Variants in PPM1E observed in about 807,000 individuals in gnomAD.
PPM1E encodes the protein protein phosphatase, Mg2+/Mn2+ dependent 1E.
In PPM1E, 20 loss-of-function variants were observed where a neutral mutation model predicts 65.9. The ratio of observed to expected loss-of-function variants is 0.30; its 90% CI spans 0.21 to 0.44. The LOEUF (loss-of-function observed/expected upper bound fraction) is 0.44. Among genes scored for constraint, PPM1E ranks in the 20% least tolerant of loss-of-function variants. The pLI, the probability that PPM1E is intolerant of heterozygous loss-of-function variation, is 1.00. For missense variants in PPM1E, 713 were observed against 953.1 expected (o/e 0.75, Z 3.32); for synonymous variants, 352 against 374.9 (o/e 0.94, Z 0.70).
chr17:58,965,256 T>C (rs1221903547), intron 2 of PPM1E, among the ~76,000 whole-genome samples: 2 of 152,122 alleles, frequency 1.3e-5, no homozygotes, highest in Admixed American at 6.6e-5. Flanking sequence ...CAATAAACAC[T>C]GTATTTATCC....
At chr17:58,931,146 G>A (rs2051892216) in intron 1 of PPM1E, among the ~76,000 whole-genome samples, 1 of 151,552 alleles carries the variant, frequency 6.6e-6, no homozygotes, top group Non-Finnish European at 1.5e-5. Flanking sequence ...CAGCACTTTA[G>A]GAGGCCAAGA....
chr17:58,951,711 A>C (rs2052241925), intron 1 of PPM1E, among the ~76,000 whole-genome samples: 1 of 151,822 alleles, frequency 6.6e-6, no homozygotes, highest in Non-Finnish European at 1.5e-5. Context: ...TAAATGGAGC[A>C]GATCAAAACA....
At chr17:58,965,669 G>T in intron 2 of PPM1E, 25 bp from the exon 3 acceptor site, 1 of 1,606,708 alleles carries the variant, frequency 6.2e-7, no homozygotes, top group Non-Finnish European at 8.5e-7. Flanking sequence ...GCTCTTCATT[G>T]GGGGTTTCTG....
chr17:58,889,139 C>A (rs1235967454), intron 1 of PPM1E, among the ~76,000 whole-genome samples: 1 of 152,064 alleles, frequency 6.6e-6, no homozygotes, highest in Admixed American at 6.6e-5. Context: ...TTCTACTTTT[C>A]TATAAAGGTT....
Position 58,980,972 on chromosome 17 carries a change from C to G in PPM1E, c.2209C>G (p.Leu737Val). The G allele has an allele frequency of 6.2e-7, 1 of 1,613,982 alleles. No individual in the cohort carries two copies. Among genetic ancestry groups the G allele is most frequent in the Non-Finnish European group, 8.5e-7 (1 of 1,179,960 alleles). ...WKGYSENMRK[L>V]RKTHDIPCPD... The stretch of plus-strand genomic sequence containing the variant: ...AGGGTACAGTGAAAACATGAGGAAG[C>G]TCAGAAAGACTCATGATATTCCATG... The change falls in exon 7 of 7, where the codon CTC becomes GTC. Residue 737 changes from leucine (L) to valine (V), a missense_variant. This residue lies in a region of PPM1E where 286 missense variants were observed against 313.8 expected (regional missense o/e 0.91). Coordinates refer to ENST00000308249, the MANE Select transcript of PPM1E (RefSeq NM_014906.5). The surrounding 1 kb of genome is among the most constrained non-coding windows in gnomAD (Gnocchi z 4.7).
chr17:58,959,396 G>A (rs1039863214), intron 2 of PPM1E, among the ~76,000 whole-genome samples: 1 of 150,312 alleles, frequency 6.7e-6, no homozygotes, highest in South Asian at 2.1e-4. Flanking sequence ...TCAGGAGATC[G>A]AGACCATCCT....
intron 1 of PPM1E, among the ~76,000 whole-genome samples, chr17:58,800,598 T>A (rs754480400): frequency 6.6e-6 from 1 of 152,182 alleles, no homozygotes; most frequent in Non-Finnish European, 1.5e-5. Context: ...ATTTCTCTGA[T>A]AGACAAGGGG....
At position 58,980,582 on chromosome 17, in the gene PPM1E, A is replaced by G. The variant is rs2031296372; in HGVS notation, c.1819A>G (p.Met607Val). The change falls in exon 7 of 7, where the codon ATG becomes GTG. Residue 607 changes from methionine (M) to valine (V), a missense_variant. Transcript: ENST00000308249. This position sits in a 1 kb window ranked among gnomAD's most constrained non-coding sequence, Gnocchi z 4.7. ...GAAAGCAAATCTTATTAATGAGTTA[A>G]TGATGGAGAAAAAATCAGTTCAGTC... ...PKKANLINEL[M>V]MEKKSVQSSL... The G allele has an allele frequency of 1.2e-6, 2 of 1,614,222 alleles. No individual in the cohort carries two copies. The highest frequency in any genetic ancestry group is 1.7e-6 in the Non-Finnish European group (2 of 1,180,024).
rs973681848 is a variant in PPM1E at position 58,967,359 on chromosome 17, A to G, written c.783+1466A>G. 4.3e-4 allele frequency among the ~76,000 whole-genome samples: 65 copies of G among 152,348 alleles called. 1 individual carries two copies. The highest frequency in any genetic ancestry group is 1.5e-3 in the African/African-American group (63 of 41,596). Reference sequence around the variant, plus strand: ...AGGGAATGATAACTATGATATGCTCATATAAGATGCATATTTTAAGCCATT... The same window carrying G: ...AGGGAATGATAACTATGATATGCTCGTATAAGATGCATATTTTAAGCCATT... On this transcript the variant is annotated intron_variant, in intron 3 of 6. Coordinates refer to ENST00000308249, the MANE Select transcript of PPM1E (RefSeq NM_014906.5).
At chr17:58,842,240 C>T (rs1331336585) in intron 1 of PPM1E, among the ~76,000 whole-genome samples, 1 of 152,120 alleles carries the variant, frequency 6.6e-6, no homozygotes, top group African/African-American at 2.4e-5. Context: ...GTCTGAGAAA[C>T]AATCACAGCT....
At chr17:58,756,565 TC>T in intron 1 of PPM1E, 104 bp downstream of exon 1, 1 of 1,186,654 alleles carries the variant, frequency 8.4e-7, no homozygotes, top group Non-Finnish European at 1.1e-6. Context: ...TCTGCTCCTC[TC>T]CCCCGCACCC....
intron 1 of PPM1E, among the ~76,000 whole-genome samples, chr17:58,925,841 A>G (rs1456009179): frequency 1.3e-5 from 2 of 152,068 alleles, no homozygotes; most frequent in East Asian, 3.8e-4. Flanking sequence ...CATGGGTTTC[A>G]GAGTTTTGAG....
chr17:58,872,929 G>A (rs1301735356), intron 1 of PPM1E, among the ~76,000 whole-genome samples: 1 of 152,164 alleles, frequency 6.6e-6, no homozygotes, highest in Admixed American at 6.5e-5. Context: ...TTCAGTGATC[G>A]GGGTGATAAT....
chr17:58,971,370 C>T (rs1239545856), intron 4 of PPM1E, among the ~76,000 whole-genome samples: 1 of 152,102 alleles, frequency 6.6e-6, no homozygotes, highest in African/African-American at 2.4e-5. Flanking sequence ...TAATTTAGGC[C>T]AGGTCCTTAG....
intron 6 of PPM1E, among the ~76,000 whole-genome samples, chr17:58,977,512 G>A (rs1485182235): frequency 1.3e-5 from 2 of 151,880 alleles, no homozygotes; most frequent in Non-Finnish European, 2.9e-5. Context: ...ATGAGAGGTT[G>A]TGTTTGTGAA....
chr17:58,945,164 A>G (rs2052131238), intron 1 of PPM1E, among the ~76,000 whole-genome samples: 1 of 145,124 alleles, frequency 6.9e-6, no homozygotes, highest in Non-Finnish European at 1.5e-5. Context: ...TTTTTTTTCG[A>G]GACTGAGTCT....
intron 1 of PPM1E, among the ~76,000 whole-genome samples, chr17:58,791,007 A>G (rs1405811226): frequency 2.6e-5 from 4 of 151,706 alleles, no homozygotes; most frequent in Non-Finnish European, 5.9e-5. Flanking sequence ...CTCCTGCCTC[A>G]GCCTCCGGAG....
chr17:58,900,028 CAA>C (rs796479802), intron 1 of PPM1E, among the ~76,000 whole-genome samples: 7 of 96,988 alleles, frequency 7.2e-5, no homozygotes, highest in Non-Finnish European at 8.8e-5. Flanking sequence ...GATACAGTCT[CAA>C]AAAAAAAAAA....
At chr17:58,765,881 T>C (rs1001367318) in intron 1 of PPM1E, among the ~76,000 whole-genome samples, 8 of 149,668 alleles carry the variant, frequency 5.3e-5, no homozygotes, top group South Asian at 2.1e-4. Context: ...TAGTTTCTTT[T>C]TTTTTTTTTT....
Sources: gnomAD v4.1 joint callset for allele counts (sites outside exome capture counted in the v4.1 genomes callset) on GRCh38, gnomAD v4.1.1 for gene constraint, gnomAD v4.1.1 regional missense constraint, Gnocchi (gnomAD v3.1) non-coding constraint, MANE v1.5 for transcripts, NCBI Gene and HGNC (gene_info 2026-07-23, HGNC 2026-07-21) for gene names.